Variants in DOCK8 observed in about 807,000 individuals in gnomAD.
DOCK8 encodes the protein dedicator of cytokinesis 8, also known as dedicator of cytokinesis protein 8.
Under a neutral mutation model 245.6 loss-of-function variants are expected in DOCK8, and 141 were observed. That is an observed-to-expected ratio of 0.57 (90% CI 0.50 to 0.66). DOCK8 has a LOEUF of 0.66. Among genes scored for constraint, DOCK8 ranks in the 30% least tolerant of loss-of-function variants. DOCK8 has a pLI of 0.00. For missense variants in DOCK8, 2,965 were observed against 2,603.4 expected (o/e 1.14, Z -3.02); for synonymous variants, 1,168 against 970.2 (o/e 1.20, Z -3.79).
rs980652685 is a variant in DOCK8 at position 311,892 on chromosome 9, T to C, written c.529-62T>C. 3.8e-6 allele frequency: 6 copies of C among 1,592,510 alleles called. No homozygotes were observed. The African/African-American group carries it at 6.7e-5, about 18-fold the overall frequency. ...GGAGCAGTCTTGAGACATCCAAGAT[T>C]CTTCGGTTCTCATTTTAGACTTGCC... On this transcript the variant is annotated intron_variant, in intron 5 of 47. Coordinates refer to ENST00000432829, the MANE Select transcript of DOCK8 (RefSeq NM_203447.4).
chr9:418,884 C>T (rs1458918312), intron 30 of DOCK8, among the ~76,000 whole-genome samples: 1 of 144,156 alleles, frequency 6.9e-6, no homozygotes. Context: ...AGTGTAATGC[C>T]TCCAAAAAAA....
At chr9:218,364 G>T (rs2046810039) in intron 1 of DOCK8, among the ~76,000 whole-genome samples, 1 of 152,198 alleles carries the variant, frequency 6.6e-6, no homozygotes, top group Non-Finnish European at 1.5e-5. Context: ...GTCTCCAGAA[G>T]GAGTGAGCAG....
At chr9:262,060 A>T (rs1460478673) in intron 1 of DOCK8, among the ~76,000 whole-genome samples, 1 of 149,842 alleles carries the variant, frequency 6.7e-6, no homozygotes, top group Non-Finnish European at 1.5e-5. Context: ...CTATGTTACA[A>T]ACATGTATAT....
intron 4 of DOCK8, among the ~76,000 whole-genome samples, chr9:291,195 A>G (rs2049023265): frequency 6.6e-6 from 1 of 152,226 alleles, no homozygotes; most frequent in Non-Finnish European, 1.5e-5. Context: ...TTTGGTTTTC[A>G]GATTTATTTT....
intron 1 of DOCK8, among the ~76,000 whole-genome samples, chr9:238,169 G>A (rs1039899120): frequency 3.0e-4 from 45 of 152,288 alleles, no homozygotes; most frequent in Admixed American, 9.2e-4. Flanking sequence ...AATGCACAGA[G>A]CCATTGCTAC....
chr9:263,945 A>T (rs1442711713), intron 1 of DOCK8, among the ~76,000 whole-genome samples: 1 of 152,124 alleles, frequency 6.6e-6, no homozygotes, highest in Non-Finnish European at 1.5e-5. Flanking sequence ...ATTGATTCTG[A>T]TGGGCATTTA....
Position 366,154 on chromosome 9 carries a change from C to A in DOCK8, c.1680-1864C>A, listed in dbSNP as rs117358302. ...AGCACCCCAGAATTCTATGCTGATC[C>A]CTTCATTGTGACATGGCCTGTCATC... On this transcript the variant is annotated intron_variant, in intron 14 of 47. Transcript: ENST00000432829. 6.6e-3 allele frequency: 1,033 copies of A among 157,084 alleles called. 13 individuals are homozygous for A. Among genetic ancestry groups the A allele is most frequent in the South Asian group, 0.022 (116 of 5,292 alleles). 9.7% of individuals were successfully genotyped at this position (157,084 alleles called of 1,614,324 possible). A position where few individuals can be genotyped will look rare whatever the true frequency, so the allele number is the denominator to read the frequency against.
chr9:214,109 A>C (rs1358442518), upstream of DOCK8: 1 of 239,288 alleles, frequency 4.2e-6, no homozygotes, highest in Non-Finnish European at 8.2e-6. Context: ...AGGTTAGAGC[A>C]GCACGCCGGC....
chr9:462,232 T>G (rs1357676740), intron 46 of DOCK8, among the ~76,000 whole-genome samples: 1 of 152,212 alleles, frequency 6.6e-6, no homozygotes, highest in Non-Finnish European at 1.5e-5. Context: ...TATGTTGGTT[T>G]GGCTGAATCC....
At chr9:419,567 G>A (rs2056188566) in intron 30 of DOCK8, among the ~76,000 whole-genome samples, 1 of 152,128 alleles carries the variant, frequency 6.6e-6, no homozygotes, top group South Asian at 2.1e-4. Flanking sequence ...TAAAGTTAAA[G>A]TTGCTTTATA....
chr9:279,592 A>T (rs929869301), intron 2 of DOCK8, among the ~76,000 whole-genome samples: 1 of 152,162 alleles, frequency 6.6e-6, no homozygotes, highest in East Asian at 1.9e-4. Flanking sequence ...CCCTGAGACA[A>T]TTGGTTGCCT....
At chr9:363,621 C>T (rs10972449) in intron 14 of DOCK8, among the ~76,000 whole-genome samples, 24,276 of 152,180 alleles carry the variant, frequency 0.16, 2,344 homozygotes, top group Middle Eastern at 0.26. Flanking sequence ...AAAGAAATTC[C>T]AGGCAAACTC....
chr9:421,072 G>A lies in DOCK8; in HGVS notation c.4147G>A (p.Ala1383Thr), dbSNP rs781073437. The change falls in exon 32 of 48, where the codon GCT (alanine) becomes ACT (threonine). Residue 1383 changes from alanine (A) to threonine (T), a missense_variant. Physicochemically the swap from Ala to Thr is moderately conservative, Grantham distance 58 (BLOSUM62 0). Around this residue, in one of 3 missense-constraint regions of DOCK8, gnomAD observed 2,825 missense variants for 2,453.5 expected, o/e 1.15. Transcript: ENST00000432829. ...GARGEMMRRR[A>T]PGNDRFPGLN... ...CAGAGGGGAGATGATGCGCCGCCGGGCTCCAGGTGTGTTGGACTGGCCCTT... is the reference window on the plus strand; with the variant it reads ...CAGAGGGGAGATGATGCGCCGCCGGACTCCAGGTGTGTTGGACTGGCCCTT... 1.9e-6 allele frequency: 3 copies of A among 1,614,068 alleles called. No individual in the cohort carries two copies. In the South Asian group the frequency reaches 3.3e-5, roughly 18 times the overall value.
At chr9:412,140 C>T (rs139592066) in intron 28 of DOCK8, among the ~76,000 whole-genome samples, 61 of 152,144 alleles carry the variant, frequency 4.0e-4, no homozygotes, top group African/African-American at 1.0e-3. Flanking sequence ...TGGTGGCTCA[C>T]GCCTGTAATC....
intron 29 of DOCK8, among the ~76,000 whole-genome samples, chr9:417,124 G>A (rs1027829763): frequency 1.3e-5 from 2 of 152,086 alleles, no homozygotes; most frequent in Admixed American, 1.3e-4. Flanking sequence ...GCGAAACCCT[G>A]TCTCCACTAA....
chr9:368,991 A>C (rs1323497476), intron 15 of DOCK8: 4 of 151,726 alleles, frequency 2.6e-5, no homozygotes, highest in Non-Finnish European at 5.9e-5. Context: ...TTTTTAGTAG[A>C]GATGGGGTTT....
chr9:333,577 G>A (rs557245634), intron 10 of DOCK8, among the ~76,000 whole-genome samples: 1 of 150,726 alleles, frequency 6.6e-6, no homozygotes, highest in African/African-American at 2.4e-5. Flanking sequence ...CTCCAGCCTG[G>A]GTGACAGAGT....
chr9:312,567 T>C (rs2050174448), intron 6 of DOCK8: 9 of 374,568 alleles, frequency 2.4e-5, no homozygotes, highest in South Asian at 1.9e-4. Context: ...CTTTAGTGCT[T>C]TGTTACTTTC....
At chr9:227,264 G>A (rs2047011094) in intron 1 of DOCK8, among the ~76,000 whole-genome samples, 1 of 152,208 alleles carries the variant, frequency 6.6e-6, no homozygotes, top group South Asian at 2.1e-4. Flanking sequence ...ATGAAAATTG[G>A]AAATTAGACT....
Sources: allele counts gnomAD v4.1 joint callset (sites outside exome capture counted in the v4.1 genomes callset), GRCh38; gene constraint gnomAD v4.1.1; regional missense constraint gnomAD v4.1.1; transcripts MANE v1.5; gene names NCBI Gene and HGNC (gene_info 2026-07-23, HGNC 2026-07-21).